XPNPEP1: variants seen among roughly 807,000 people sequenced by gnomAD.
The protein encoded by XPNPEP1 is X-prolyl aminopeptidase 1.
XPNPEP1 carries 39 observed loss-of-function variants against 92.4 expected under a neutral mutation model. That is an observed-to-expected ratio of 0.42 (90% CI 0.33 to 0.55). The LOEUF (loss-of-function observed/expected upper bound fraction) is 0.55, where lower values mean the gene tolerates loss of function less well. Among genes scored for constraint, XPNPEP1 ranks in the 20% least tolerant of loss-of-function variants. XPNPEP1 has a pLI of 0.08. For missense variants in XPNPEP1, 654 were observed against 856.1 expected (o/e 0.76, Z 2.95); for synonymous variants, 307 against 299.4 (o/e 1.03, Z -0.26).
chr10:109,920,176 C>A (rs920828380), intron 1 of XPNPEP1, among the ~76,000 whole-genome samples: 1 of 152,076 alleles, frequency 6.6e-6, no homozygotes, highest in African/African-American at 2.4e-5. Flanking sequence ...ATAGGCAAAT[C>A]GGTAAAGACA....
intron 4 of XPNPEP1, 37 bp downstream of exon 4, chr10:109,892,975 A>C: frequency 6.2e-7 from 1 of 1,605,958 alleles, no homozygotes; most frequent in Non-Finnish European, 8.5e-7. Flanking sequence ...GAGGCGAACA[A>C]AGGTGCAGCA....
intron 2 of XPNPEP1, among the ~76,000 whole-genome samples, chr10:109,910,317 A>G: frequency 6.6e-6 from 1 of 152,156 alleles, no homozygotes; most frequent in East Asian, 1.9e-4. Flanking sequence ...GGCCAAGGCT[A>G]GTGGATCACC....
At chr10:109,878,097 A>G in intron 12 of XPNPEP1, 39 bp from the exon 13 acceptor site, 1 of 1,611,196 alleles carries the variant, frequency 6.2e-7, no homozygotes, top group Non-Finnish European at 8.5e-7. Flanking sequence ...GGTGAGATAA[A>G]TTCATGTGTG....
chr10:109,922,345 G>A (rs1160412032), intron 1 of XPNPEP1, among the ~76,000 whole-genome samples: 1 of 152,138 alleles, frequency 6.6e-6, no homozygotes, highest in African/African-American at 2.4e-5. Flanking sequence ...GACCACCTGA[G>A]GCCTACAGCC....
chr10:109,871,268 G>C (rs1029338561), intron 17 of XPNPEP1, among the ~76,000 whole-genome samples: 1 of 152,112 alleles, frequency 6.6e-6, no homozygotes, highest in African/African-American at 2.4e-5. Context: ...GACAGATGAG[G>C]AAACTGAGGC....
intron 3 of XPNPEP1, among the ~76,000 whole-genome samples, chr10:109,901,416 A>G (rs997092523): frequency 4.6e-5 from 7 of 152,192 alleles, no homozygotes; most frequent in Non-Finnish European, 7.4e-5. Context: ...ATAATTTAAA[A>G]AAAGATTTCC....
chr10:109,882,394 G>C (rs1248938661), intron 10 of XPNPEP1, 38 bp downstream of exon 10: 1 of 1,594,424 alleles, frequency 6.3e-7, no homozygotes. Context: ...TGGGAAGGGG[G>C]TGGCAGAGTT....
In XPNPEP1 at chr10:109,870,028, C is replaced by T. The variant is rs369695940; in HGVS notation, c.1698G>A (p.Glu566=). Residue 566 remains glutamate, a splice_region_variant and synonymous_variant, in exon 19 of 21, where the codon GAG becomes GAA. Coordinates refer to ENST00000502935, the MANE Select transcript of XPNPEP1 (RefSeq NM_020383.4). ...AAGCCCCATCTTCATAGTACCCGGG[C>T]TCTAAAACAAACCAAATCCCAAAAA... The part of the protein sequence containing the change: ...PLEAGMIVTD[E]PGYYEDGAFG... 3 of 1,613,918 alleles carry T rather than the reference C, an allele frequency of 1.9e-6. No individual in the cohort carries two copies. Among genetic ancestry groups the T allele is most frequent in the Admixed American group, 1.7e-5 (1 of 59,988 alleles).
chr10:109,920,973 A>C (rs1401451115), intron 1 of XPNPEP1, among the ~76,000 whole-genome samples: 1 of 152,226 alleles, frequency 6.6e-6, no homozygotes, highest in Non-Finnish European at 1.5e-5. Flanking sequence ...AGGTGAGCTC[A>C]AACTCTCTGT....
intron 3 of XPNPEP1, among the ~76,000 whole-genome samples, chr10:109,904,269 T>C (rs537103852): frequency 6.7e-6 from 1 of 149,758 alleles, no homozygotes; most frequent in Non-Finnish European, 1.5e-5. Flanking sequence ...CTTCCTCACA[T>C]GCCACCACCC....
chr10:109,881,040 G>C (rs1848065536), intron 10 of XPNPEP1, 109 bp from the exon 11 acceptor site: 2 of 1,077,642 alleles, frequency 1.9e-6, no homozygotes, highest in Non-Finnish European at 1.3e-6. Context: ...ATCATTTGAA[G>C]AGCTCCCACT....
intron 2 of XPNPEP1, among the ~76,000 whole-genome samples, chr10:109,912,059 C>T (rs1038307503): frequency 4.6e-5 from 7 of 152,318 alleles, no homozygotes; most frequent in Admixed American, 3.3e-4. Context: ...CAACCTGCCT[C>T]CTCATTCCCA....
At chr10:109,907,893 G>C in intron 2 of XPNPEP1, 78 bp from the exon 3 acceptor site, 1 of 1,582,128 alleles carries the variant, frequency 6.3e-7, no homozygotes, top group East Asian at 2.2e-5. Flanking sequence ...GGGCCACAGA[G>C]AGAAGTGCCT....
At chr10:109,888,429 A>G in intron 6 of XPNPEP1, 74 bp downstream of exon 6, 2 of 1,445,058 alleles carry the variant, frequency 1.4e-6, no homozygotes, top group East Asian at 2.4e-5. Flanking sequence ...ACACCCCACA[A>G]GCAAATGAGG....
At chr10:109,884,428 C>A (rs1012902681) in intron 8 of XPNPEP1, 1 of 359,140 alleles carries the variant, frequency 2.8e-6, no homozygotes. Flanking sequence ...AGAACTGCCC[C>A]CACAAGGAGT....
At chr10:109,868,534 T>A in intron 20 of XPNPEP1, 80 bp downstream of exon 20, 1 of 1,218,816 alleles carries the variant, frequency 8.2e-7, no homozygotes, top group Admixed American at 2.1e-5. Context: ...AATTTAGGAT[T>A]TAGAGGATGG....
intron 3 of XPNPEP1, among the ~76,000 whole-genome samples, chr10:109,895,167 T>C (rs914273349): frequency 3.9e-5 from 6 of 152,168 alleles, no homozygotes; most frequent in Non-Finnish European, 8.8e-5. Context: ...CTGCGCACAA[T>C]GGGGAATACA....
At position 109,889,877 on chromosome 10, in the gene XPNPEP1, G is replaced by A. The variant is rs74154907; in HGVS notation, c.416-1282C>T. Among the ~76,000 whole-genome samples the A allele has an allele frequency of 7.3e-3, 1,117 of 152,242 alleles. 19 individuals are homozygous for A. The highest frequency in any genetic ancestry group is 0.026 in the African/African-American group (1,082 of 41,530). On this transcript the variant is annotated intron_variant, in intron 5 of 20. Transcript: ENST00000502935. ...TCATGAATTCCAATTCTAAAAAACT[G>A]CCTAGAAGCTGACATTGAGTTTCAT...
intron 2 of XPNPEP1, among the ~76,000 whole-genome samples, chr10:109,913,961 T>C (rs1564793709): frequency 6.6e-6 from 1 of 152,170 alleles, no homozygotes; most frequent in Non-Finnish European, 1.5e-5. Context: ...ATGTGTTGGA[T>C]ACATCTATAT....
Sources: allele counts gnomAD v4.1 joint callset (sites outside exome capture counted in the v4.1 genomes callset), GRCh38; gene constraint gnomAD v4.1.1; transcripts MANE v1.5; gene names NCBI Gene and HGNC (gene_info 2026-07-23, HGNC 2026-07-21).